Variants in NAALADL1 observed in about 807,000 individuals in gnomAD.
NAALADL1 encodes the protein N-acetylated alpha-linked acidic dipeptidase like 1, also known as aminopeptidase NAALADL1.
Under a neutral mutation model 82.8 loss-of-function variants are expected in NAALADL1, and 77 were observed. The ratio of observed to expected loss-of-function variants is 0.93; its 90% CI spans 0.77 to 1.12. The LOEUF is 1.12. Ranked by LOEUF, NAALADL1 falls within the 50% of genes most tolerant of loss-of-function variation. The probability of loss-of-function intolerance (pLI) is 0.00; values close to 1 mark genes in which losing one functional copy is unlikely to be tolerated. For missense variants in NAALADL1, 956 were observed against 964.0 expected, an observed-to-expected ratio of 0.99 and a Z score of 0.11; for synonymous variants, 358 against 399.2, an observed-to-expected ratio of 0.90 and a Z score of 1.23.
At chr11:65,048,631 T>G in intron 8 of NAALADL1, 1 of 568,090 alleles carries the variant, frequency 1.8e-6, no homozygotes, top group Non-Finnish European at 3.2e-6. Context: ...TCTCTCTCTG[T>G]GGGCATGCTC....
At position 65,053,357 on chromosome 11, in the gene NAALADL1, C is replaced by T; in HGVS notation, c.1079-20G>A. 1.3e-6 allele frequency: 2 copies of T among 1,599,324 alleles called. No individual in the cohort carries two copies. The highest frequency in any genetic ancestry group is 1.7e-6 in the Non-Finnish European group (2 of 1,173,226). On this transcript the variant is annotated intron_variant, in intron 7 of 17. Coordinates refer to ENST00000358658, the MANE Select transcript of NAALADL1 (RefSeq NM_005468.3). This position sits in a 1 kb window ranked among gnomAD's most constrained non-coding sequence, Gnocchi z 4.3. ...AGCGATCTGGCCAGAGGAAAAGGGG[C>T]AGAGAACCAGAGGAGAGGGAGAGGT... is the stretch of plus-strand genomic sequence containing the variant.
intron 17 of NAALADL1, 50 bp downstream of exon 17, chr11:65,045,772 T>C: frequency 1.9e-6 from 3 of 1,550,640 alleles, no homozygotes; most frequent in Non-Finnish European, 2.7e-6. Context: ...TGGGGAGCCA[T>C]TGTCCGGCCC....
In NAALADL1 at chr11:65,053,308, C is replaced by A. The variant is rs774906637; in HGVS notation, c.1108G>T (p.Asp370Tyr). ...DRYVLYGNHR[D>Y]SWVHGAVDPS... ...TCCACAGCCCCGTGCACCCAGCTGT[C>A]TCGGTGGTTCCCATACAGCACGTAG... Residue 370 changes from aspartate (D) to tyrosine (Y), a missense_variant, in exon 8 of 18, where the codon GAC becomes TAC. Asp to Tyr is a radical substitution (Grantham distance 160). Coordinates refer to ENST00000358658, the MANE Select transcript of NAALADL1 (RefSeq NM_005468.3). The surrounding 1 kb of genome is among the most constrained non-coding windows in gnomAD (Gnocchi z 4.3). 7 of 1,563,786 alleles carry A rather than the reference C, an allele frequency of 4.5e-6. No homozygotes were observed. Among genetic ancestry groups the A allele is most frequent in the Non-Finnish European group, 5.2e-6 (6 of 1,154,434 alleles).
intron 8 of NAALADL1, 161 bp from the exon 9 acceptor site, chr11:65,048,546 G>A (rs1946804425): frequency 5.5e-6 from 4 of 733,732 alleles, no homozygotes; most frequent in Non-Finnish European, 4.5e-6. Context: ...GGAGGCTCCC[G>A]CACCAAACAC....
intron 8 of NAALADL1, among the ~76,000 whole-genome samples, chr11:65,049,061 C>A (rs1411765796): frequency 1.3e-5 from 2 of 152,122 alleles, no homozygotes; most frequent in Non-Finnish European, 2.9e-5. Flanking sequence ...CACTCTGTGG[C>A]CCAGGTTGGA....
At chr11:65,052,049 T>G (rs1946903029) in intron 8 of NAALADL1, among the ~76,000 whole-genome samples, 1 of 152,140 alleles carries the variant, frequency 6.6e-6, no homozygotes, top group Admixed American at 6.5e-5. Context: ...AACAAGAAAT[T>G]AATATGGGAA....
chr11:65,053,127 A>G lies in NAALADL1; in HGVS notation c.1198+91T>C. The stretch of plus-strand genomic sequence containing the variant: ...CCCCAGGGCCCTCAGGCATGGCACA[A>G]GGAGCACTGCAGTGTGAGGGAGAGG... On this transcript the variant is annotated intron_variant, in intron 8 of 17. Transcript: ENST00000358658. The surrounding 1 kb of genome is among the most constrained non-coding windows in gnomAD (Gnocchi z 4.3). The G allele has an allele frequency of 1.4e-6, 2 of 1,429,640 alleles. No individual in the cohort carries two copies. The highest frequency in any genetic ancestry group is 1.9e-6 in the Non-Finnish European group (2 of 1,076,938). 88.6% of individuals were successfully genotyped at this position (1,429,640 alleles called of 1,614,324 possible). A position where few individuals can be genotyped will look rare whatever the true frequency, so the allele number is the denominator to read the frequency against.
rs925346981 is a variant in NAALADL1, at chr11:65,053,175, C to A, written c.1198+43G>T. 5 of 1,496,366 alleles carry A rather than the reference C, an allele frequency of 3.3e-6. No homozygotes were observed. The African/African-American group carries it at 7.0e-5, about 21-fold the overall frequency. The allele number at this position is 1,496,366 out of a possible 1,614,324, so 92.7% of individuals were successfully genotyped here. A position where few individuals can be genotyped will look rare whatever the true frequency, so the allele number is the denominator to read the frequency against. ...AGGAGGTGGAACAGGAAGGGGACCT[C>A]CGGGGGCGAAGGTCCCTGGTCCAGG... On this transcript the variant is annotated intron_variant, in intron 8 of 17. Transcript: ENST00000358658. The surrounding 1 kb of genome is among the most constrained non-coding windows in gnomAD (Gnocchi z 4.3).
At chr11:65,051,769 T>C (rs1946897129) in intron 8 of NAALADL1, among the ~76,000 whole-genome samples, 1 of 152,136 alleles carries the variant, frequency 6.6e-6, no homozygotes, top group South Asian at 2.1e-4. Context: ...TGGGATATTA[T>C]ATGTAAGGGA....
Position 65,054,181 on chromosome 11 carries a change from A to T in NAALADL1, c.992+69T>A. On this transcript the variant is annotated intron_variant, in intron 6 of 17. Transcript: ENST00000358658. This position sits in a 1 kb window ranked among gnomAD's most constrained non-coding sequence, Gnocchi z 4.3. ...TGAAGTGGAAAGAGGGAACATCATC[A>T]CAAGGGAAGGGGAGAGGCGAGTTGG... The T allele has an allele frequency of 7.4e-6, 10 of 1,347,552 alleles. No homozygotes were observed. The highest frequency in any genetic ancestry group is 9.4e-6 in the Non-Finnish European group (9 of 953,868). 83.5% of individuals were successfully genotyped at this position (1,347,552 alleles called of 1,614,324 possible). A position where few individuals can be genotyped will look rare whatever the true frequency, so the allele number is the denominator to read the frequency against.
Position 65,045,315 on chromosome 11 carries a change from G to T in NAALADL1, c.2179C>A (p.Leu727Met). 8 of 1,611,084 alleles carry T rather than the reference G, an allele frequency of 5.0e-6. No homozygotes were observed. The highest frequency in any genetic ancestry group is 6.8e-6 in the Non-Finnish European group (8 of 1,178,642). Reference sequence around the variant, plus strand: ...CTCAGGGTGGCTGCCGCACCCTCCAGGGCTGTCACCACAATGCTGAGCTGT... The same window carrying T: ...CTCAGGGTGGCTGCCGCACCCTCCATGGCTGTCACCACAATGCTGAGCTGT... ...QRQLSIVVTA[L>M]EGAAATLRPV... Residue 727 changes from leucine (L) to methionine (M), a missense_variant, in exon 18 of 18, where the codon CTG (leucine) becomes ATG (methionine). Physicochemically the swap from Leu to Met is conservative, Grantham distance 15. Transcript: ENST00000358658.
chr11:65,057,824 G>A, intron 3 of NAALADL1, 51 bp downstream of exon 3: 2 of 1,607,070 alleles, frequency 1.2e-6, no homozygotes, highest in Non-Finnish European at 1.7e-6. Context: ...GAGAACCCTG[G>A]GTGGAACCAA....
rs1351369651 is a variant in NAALADL1 at position 65,054,524 on chromosome 11, G to C, written c.818C>G (p.Ala273Gly). Residue 273 changes from alanine (A) to glycine (G), a missense_variant, in exon 5 of 18, where the codon GCC (alanine) becomes GGC (glycine). Ala to Gly is a moderately conservative substitution (Grantham distance 60). Coordinates refer to ENST00000358658, the MANE Select transcript of NAALADL1 (RefSeq NM_005468.3). This position sits in a 1 kb window ranked among gnomAD's most constrained non-coding sequence, Gnocchi z 4.3. ...AVPSSFRVDL[A>G]NVSGFPPIPT... is the part of the protein sequence containing the mutation. The stretch of plus-strand genomic sequence containing the variant: ...AATTGGGGGAAATCCGGAGACATTG[G>C]CAAGGTCCACGCGGAAGGAAGAGGG... 1.9e-6 allele frequency: 3 copies of C among 1,613,950 alleles called. No homozygotes were observed. Among genetic ancestry groups the C allele is most frequent in the East Asian group, 4.5e-5 (2 of 44,872 alleles).
At chr11:65,052,029 C>T (rs555205667) in intron 8 of NAALADL1, among the ~76,000 whole-genome samples, 1 of 151,588 alleles carries the variant, frequency 6.6e-6, no homozygotes, top group African/African-American at 2.4e-5. Context: ...AAATAAATAA[C>T]TAAAACTAAA....
intron 13 of NAALADL1, among the ~76,000 whole-genome samples, chr11:65,047,039 T>C (rs1946748936): frequency 7.4e-6 from 1 of 135,782 alleles, no homozygotes; most frequent in South Asian, 2.6e-4. Flanking sequence ...GGCAATGCCA[T>C]CTTACAACTG....
intron 8 of NAALADL1, among the ~76,000 whole-genome samples, chr11:65,049,914 A>G (rs1946840137): frequency 2.0e-5 from 3 of 151,616 alleles, no homozygotes; most frequent in African/African-American, 7.3e-5. Flanking sequence ...TCTCACTCTC[A>G]TCAACCAGGC....
At chr11:65,055,535 A>G (rs1424761908) in intron 4 of NAALADL1, among the ~76,000 whole-genome samples, 1 of 152,208 alleles carries the variant, frequency 6.6e-6, no homozygotes, top group Non-Finnish European at 1.5e-5. Context: ...TGAAGATGTT[A>G]TGTTAAGTGA....
At position 65,048,000 on chromosome 11, in the gene NAALADL1, A is replaced by C; in HGVS notation, c.1397T>G (p.Val466Gly). ...VQGTPPVQSV[V>G]FSATKEIRSP... ...TTCCACCTCTTTGGTTGCAGAGAAG[A>C]CGACGCTCTGGACAGGGGGCGTCCC... Residue 466 changes from valine to glycine, a missense_variant, in exon 11 of 18, where the codon GTC becomes GGC. Coordinates refer to ENST00000358658, the MANE Select transcript of NAALADL1 (RefSeq NM_005468.3). 6.2e-7 allele frequency: 1 copy of C among 1,611,722 alleles called. No individual in the cohort carries two copies. The highest frequency in any genetic ancestry group is 8.5e-7 in the Non-Finnish European group (1 of 1,179,232).
Position 65,054,345 on chromosome 11 carries a change from G to T in NAALADL1, c.897C>A (p.Asn299Lys). 1 of 1,614,038 alleles carries T rather than the reference G, an allele frequency of 6.2e-7. No individual in the cohort carries two copies. The change falls in exon 6 of 18, where the codon AAC becomes AAA. Residue 299 changes from asparagine (N) to lysine (K), a missense_variant. Transcript: ENST00000358658. The surrounding 1 kb of genome is among the most constrained non-coding windows in gnomAD (Gnocchi z 4.3). ...GCCAGGTGGCTGGGGCCAAAGTTCC[G>T]TTGAGGTTACTGGGGAGGAGGAAGA... is the stretch of plus-strand genomic sequence containing the variant. ...QDARDLLCNL[N>K]GTLAPATWQG...
Sources: gnomAD v4.1 joint callset for allele counts (sites outside exome capture counted in the v4.1 genomes callset) on GRCh38, gnomAD v4.1.1 for gene constraint, Gnocchi (gnomAD v3.1) non-coding constraint, MANE v1.5 for transcripts, NCBI Gene and HGNC (gene_info 2026-07-23, HGNC 2026-07-21) for gene names.